The following LRRTM3 variants were observed in gnomAD, a reference collection of about 807,000 sequenced individuals.
The protein encoded by LRRTM3 is leucine rich repeat transmembrane neuronal 3, also known as leucine-rich repeat transmembrane neuronal protein 3.
Under a neutral mutation model 44.7 loss-of-function variants are expected in LRRTM3, and 24 were observed. The ratio of observed to expected loss-of-function variants is 0.54; its 90% CI spans 0.39 to 0.76. LRRTM3 has a LOEUF of 0.76. LRRTM3 is among the 30% of genes least tolerant of loss of function. LRRTM3 has a pLI of 0.00. For synonymous variants in LRRTM3, 277 were observed against 278.7 expected, an observed-to-expected ratio of 0.99 and a Z score of 0.06; for missense variants, 587 against 702.2, an observed-to-expected ratio of 0.84 and a Z score of 1.85.
chr10:67,033,574 T>C (rs1853864246), intron 2 of LRRTM3, among the ~76,000 whole-genome samples: 1 of 152,210 alleles, frequency 6.6e-6, no homozygotes, highest in Non-Finnish European at 1.5e-5. Context: ...TAGTGCCTAA[T>C]ATGTGCCGAG....
chr10:67,086,636 A>G (rs1187545011), intron 2 of LRRTM3, among the ~76,000 whole-genome samples: 4 of 151,988 alleles, frequency 2.6e-5, no homozygotes, highest in Non-Finnish European at 5.9e-5. Flanking sequence ...TGCCAGTTGG[A>G]AAGCAAGTGG....
chr10:67,044,936 G>T (rs1564851797), intron 2 of LRRTM3, among the ~76,000 whole-genome samples: 2 of 152,132 alleles, frequency 1.3e-5, no homozygotes. Context: ...ATAACCAGAA[G>T]CTGTGAAAAG....
intron 2 of LRRTM3, among the ~76,000 whole-genome samples, chr10:67,094,715 A>G (rs932530864): frequency 6.6e-6 from 1 of 151,754 alleles, no homozygotes; most frequent in African/African-American, 2.4e-5. Context: ...AATATTTTAT[A>G]TATTAAAAAA....
At chr10:66,937,915 C>T (rs1190005204) in intron 2 of LRRTM3, among the ~76,000 whole-genome samples, 1 of 152,070 alleles carries the variant, frequency 6.6e-6, no homozygotes, top group African/African-American at 2.4e-5. Context: ...CTCCCAGAGA[C>T]TGCATCACAG....
chr10:67,081,820 C>A (rs1023250496), intron 2 of LRRTM3, among the ~76,000 whole-genome samples: 1 of 152,176 alleles, frequency 6.6e-6, no homozygotes, highest in Non-Finnish European at 1.5e-5. Flanking sequence ...TGAGGTCTTT[C>A]CTGATCCTAG....
chr10:67,057,410 C>CA (rs1855503366), intron 2 of LRRTM3, among the ~76,000 whole-genome samples: 1 of 152,078 alleles, frequency 6.6e-6, no homozygotes, highest in South Asian at 2.1e-4. Context: ...CCTTGACCAA[C>CA]ATCTCTCCAT....
intron 2 of LRRTM3, among the ~76,000 whole-genome samples, chr10:67,049,256 C>A (rs187134184): frequency 2.6e-4 from 39 of 152,042 alleles, no homozygotes; most frequent in African/African-American, 9.4e-4. Flanking sequence ...GTAGACCGTG[C>A]CTGATAAGGT....
intron 2 of LRRTM3, among the ~76,000 whole-genome samples, chr10:67,063,552 CA>C (rs1337373937): frequency 2.0e-5 from 3 of 152,160 alleles, no homozygotes. Context: ...TTATCACTGT[CA>C]GATATGAAGT....
At chr10:67,053,269 C>CTAATCT (rs1398716058) in intron 2 of LRRTM3, among the ~76,000 whole-genome samples, 1 of 152,114 alleles carries the variant, frequency 6.6e-6, no homozygotes, top group African/African-American at 2.4e-5. Context: ...TCCAAATACG[C>CTAATCT]TAATCTTAGA....
chr10:67,037,643 C>T (rs764693081), intron 2 of LRRTM3, among the ~76,000 whole-genome samples: 12 of 152,042 alleles, frequency 7.9e-5, no homozygotes, highest in Non-Finnish European at 1.8e-4. Flanking sequence ...AAGACACTAA[C>T]AGAGGGTGAG....
At chr10:67,017,427 G>A (rs1589609194) in intron 2 of LRRTM3, among the ~76,000 whole-genome samples, 1 of 152,100 alleles carries the variant, frequency 6.6e-6, no homozygotes, top group Non-Finnish European at 1.5e-5. Flanking sequence ...TGATTATGTG[G>A]AATAAAAAGA....
chr10:67,077,420 C>T (rs892823526), intron 2 of LRRTM3, among the ~76,000 whole-genome samples: 2 of 152,274 alleles, frequency 1.3e-5, no homozygotes, highest in African/African-American at 4.8e-5. Context: ...TCCCACCTGA[C>T]CCAGTCCCTT....
At chr10:67,069,631 T>C (rs1279671066) in intron 2 of LRRTM3, among the ~76,000 whole-genome samples, 1 of 129,626 alleles carries the variant, frequency 7.7e-6, no homozygotes, top group Non-Finnish European at 1.6e-5. Context: ...ATACATAGAT[T>C]AGTTCTGTCT....
At chr10:66,973,379 A>C (rs1452467891) in intron 2 of LRRTM3, among the ~76,000 whole-genome samples, 4 of 152,202 alleles carry the variant, frequency 2.6e-5, no homozygotes, top group Non-Finnish European at 5.9e-5. Flanking sequence ...TGAATTCTCA[A>C]TAATTTGTAT....
intron 2 of LRRTM3, among the ~76,000 whole-genome samples, chr10:67,042,688 T>C (rs1373045469): frequency 1.3e-5 from 2 of 151,510 alleles, no homozygotes; most frequent in Non-Finnish European, 3.0e-5. Context: ...GGGAAACTAT[T>C]AGAGGAAAAA....
At chr10:67,047,417 A>C (rs546431885) in intron 2 of LRRTM3, among the ~76,000 whole-genome samples, 1 of 152,294 alleles carries the variant, frequency 6.6e-6, no homozygotes, top group African/African-American at 2.4e-5. Flanking sequence ...ATGAAAGGAT[A>C]GTGCTAAGTG....
At chr10:66,962,385 T>G (rs1008596136) in intron 2 of LRRTM3, among the ~76,000 whole-genome samples, 1 of 150,330 alleles carries the variant, frequency 6.7e-6, no homozygotes, top group Admixed American at 6.6e-5. Flanking sequence ...CTCCTCTAAG[T>G]TTTTTTTTGT....
At chr10:66,968,418 A>T (rs964195093) in intron 2 of LRRTM3, among the ~76,000 whole-genome samples, 5 of 102,910 alleles carry the variant, frequency 4.9e-5, no homozygotes, top group South Asian at 2.4e-4. Flanking sequence ...GAAAGAAATT[A>T]AAAAAAAGAG....
rs1554906454 is a variant in LRRTM3 at position 67,052,348 on chromosome 10, C to CTCTCTT, written c.1537-45234_1537-45233insTTCTCT. On this transcript the variant is annotated intron_variant, in intron 2 of 2. Transcript: ENST00000361320. ...TCTCTCTCTCTCTCTCTCTCTCTCT[C>CTCTCTT]TCTCTCATTAAAAGCACTAAGCGGC... is the stretch of plus-strand genomic sequence containing the variant. Among the ~76,000 whole-genome samples, 549 of 134,356 alleles carry CTCTCTT rather than the reference C, an allele frequency of 4.1e-3. 40 individuals are homozygous for CTCTCTT. Among genetic ancestry groups the CTCTCTT allele is most frequent in the Non-Finnish European group, 5.6e-3 (341 of 60,750 alleles). 88.1% of individuals were successfully genotyped at this position (134,356 alleles called of 152,430 possible).
Sources: allele counts gnomAD v4.1 joint callset (sites outside exome capture counted in the v4.1 genomes callset), GRCh38; gene constraint gnomAD v4.1.1; transcripts MANE v1.5; gene names NCBI Gene and HGNC (gene_info 2026-07-23, HGNC 2026-07-21).